KIAA1549L: variants seen among roughly 807,000 people sequenced by gnomAD.
KIAA1549L encodes KIAA1549 like.
KIAA1549L carries 88 observed loss-of-function variants against 160.7 expected under a neutral mutation model. The ratio of observed to expected loss-of-function variants is 0.55; its 90% confidence interval spans 0.46 to 0.65. The LOEUF (loss-of-function observed/expected upper bound fraction) is 0.65, where lower values mean the gene tolerates loss of function less well. Among genes scored for constraint, KIAA1549L ranks in the 30% least tolerant of loss-of-function variants. The pLI is 0.00. For synonymous variants in KIAA1549L, 950 were observed against 976.7 expected, an observed-to-expected ratio of 0.97 and a Z score of 0.51; for missense variants, 2,258 against 2,437.5, an observed-to-expected ratio of 0.93 and a Z score of 1.55.
At chr11:33,417,105 A>T (rs976138534) in intron 1 of KIAA1549L, among the ~76,000 whole-genome samples, 1 of 152,234 alleles carries the variant, frequency 6.6e-6, no homozygotes, top group Non-Finnish European at 1.5e-5. Flanking sequence ...AATGTGGTTA[A>T]TGCAACTGAG....
chr11:33,463,182 C>T (rs1051448158), intron 1 of KIAA1549L, among the ~76,000 whole-genome samples: 1 of 152,020 alleles, frequency 6.6e-6, no homozygotes, highest in Admixed American at 6.6e-5. Flanking sequence ...ATATTTGCCT[C>T]GTTTGGGTTA....
At chr11:33,550,523 C>A (rs1854423512) in intron 4 of KIAA1549L, among the ~76,000 whole-genome samples, 1 of 152,150 alleles carries the variant, frequency 6.6e-6, no homozygotes, top group Admixed American at 6.6e-5. Context: ...TGGTCTTGAA[C>A]CAATTTACAA....
At chr11:33,612,850 T>A (rs559888252) in intron 15 of KIAA1549L, among the ~76,000 whole-genome samples, 1 of 152,216 alleles carries the variant, frequency 6.6e-6, no homozygotes, top group Non-Finnish European at 1.5e-5. Flanking sequence ...TGAGAACATA[T>A]GGTATTTGGT....
At chr11:33,614,481 C>A (rs1305061377) in intron 15 of KIAA1549L, among the ~76,000 whole-genome samples, 2 of 129,334 alleles carry the variant, frequency 1.5e-5, no homozygotes, top group African/African-American at 5.5e-5. Context: ...TAGTCACACT[C>A]CCCTGTGGTA....
chr11:33,662,643 G>A (rs1408372567), intron 20 of KIAA1549L, among the ~76,000 whole-genome samples: 1 of 152,204 alleles, frequency 6.6e-6, no homozygotes, highest in Non-Finnish European at 1.5e-5. Context: ...TACTTAGGCA[G>A]TAATTCCCTT....
Position 33,546,720 on chromosome 11 carries a change from TC to T in KIAA1549L, c.3386-1040del, listed in dbSNP as rs574054228. ...AAGCTTAAACTTGTATATACAGTAG[TC>T]CCCTCTTATCTGCAGGGGATCTATT... is the stretch of plus-strand genomic sequence containing the variant. On this transcript the variant is annotated intron_variant, in intron 3 of 20. Transcript: ENST00000658780. Among the ~76,000 whole-genome samples the T allele has an allele frequency of 2.0e-4, 30 of 152,226 alleles. No homozygotes were observed. In the East Asian group the frequency reaches 5.8e-3, roughly 29 times the overall value.
rs1174359038 is a variant in KIAA1549L, at chr11:33,561,210, G to T, written c.4019-466G>T. On this transcript the variant is annotated intron_variant, in intron 7 of 20. Transcript: ENST00000658780. ...GTGATGGTCAGATGATTTTTAAAGA[G>T]AAAGCTACAGCAAAGACAGGTTCCT... is the stretch of plus-strand genomic sequence containing the variant. Among the ~76,000 whole-genome samples, 3 of 152,178 alleles carry T rather than the reference G, an allele frequency of 2.0e-5. No individual in the cohort carries two copies. The South Asian group carries it at 6.2e-4, about 31-fold the overall frequency.
At chr11:33,645,583 A>T in intron 16 of KIAA1549L, 103 bp from the exon 17 acceptor site, 1 of 826,466 alleles carries the variant, frequency 1.2e-6, no homozygotes, top group South Asian at 1.6e-5. Flanking sequence ...ATTAGCACAG[A>T]TGCATCCTAG....
chr11:33,553,600 T>C (rs1371712906), intron 6 of KIAA1549L, among the ~76,000 whole-genome samples: 1 of 152,232 alleles, frequency 6.6e-6, no homozygotes, highest in East Asian at 1.9e-4. Context: ...ATTTGGTTCA[T>C]GTTAGACGAA....
In KIAA1549L at chr11:33,628,440, C is replaced by A. The variant is rs1193556656; in HGVS notation, c.5409+9778C>A. ...AGTCTAAGTCTCTTTGTAGGTCACT[C>A]AGGACTTGCTTTATGAATCTGGGTG... On this transcript the variant is annotated intron_variant, in intron 16 of 20. Transcript: ENST00000658780. 1.7e-3 allele frequency among the ~76,000 whole-genome samples: 256 copies of A among 151,024 alleles called. 2 individuals carry two copies. The highest frequency in any genetic ancestry group is 5.7e-3 in the African/African-American group (231 of 40,594).
intron 20 of KIAA1549L, among the ~76,000 whole-genome samples, chr11:33,664,388 T>C (rs1357619224): frequency 6.6e-6 from 1 of 152,180 alleles, no homozygotes; most frequent in Non-Finnish European, 1.5e-5. Context: ...GAACCTGCCT[T>C]CTCAGGAGGG....
intron 1 of KIAA1549L, among the ~76,000 whole-genome samples, chr11:33,430,463 C>A (rs1182937781): frequency 6.6e-6 from 1 of 152,164 alleles, no homozygotes; most frequent in Non-Finnish European, 1.5e-5. Context: ...TGAACTTGCC[C>A]TGAGGCTATC....
chr11:33,517,743 T>C (rs1301920681), intron 1 of KIAA1549L, among the ~76,000 whole-genome samples: 1 of 152,172 alleles, frequency 6.6e-6, no homozygotes, highest in Non-Finnish European at 1.5e-5. Context: ...CATGAATGTG[T>C]ATCACCACAG....
intron 13 of KIAA1549L, among the ~76,000 whole-genome samples, chr11:33,605,078 G>A (rs537290693): frequency 3.5e-4 from 54 of 152,318 alleles, no homozygotes; most frequent in Admixed American, 3.3e-3. Flanking sequence ...ACTGCTTCAA[G>A]GTCCTCAGAA....
At position 33,583,488 on chromosome 11, in the gene KIAA1549L, C is replaced by T. The variant is rs778802245; in HGVS notation, c.4553C>T (p.Pro1518Leu). The change falls in exon 11 of 21, where the codon CCG becomes CTG. Residue 1518 changes from proline (P) to leucine (L), a missense_variant. Transcript: ENST00000658780. ...DFKPDTMINL[P>L]QRAKPVQGFD... ...AAGCCTGACACCATGATAAACCTGC[C>T]GCAGAGAGCAAAGGTATATGGAAGT... 7.6e-6 allele frequency: 12 copies of T among 1,576,196 alleles called. No individual in the cohort carries two copies. Among genetic ancestry groups the T allele is most frequent in the South Asian group, 2.3e-5 (2 of 85,650 alleles).
At chr11:33,608,656 G>A (rs1391629500) in intron 14 of KIAA1549L, among the ~76,000 whole-genome samples, 1 of 152,250 alleles carries the variant, frequency 6.6e-6, no homozygotes, top group African/African-American at 2.4e-5. Flanking sequence ...ATCTGGGATA[G>A]ATTCAATTTA....
At chr11:33,396,503 T>C (rs1850375694) in intron 1 of KIAA1549L, among the ~76,000 whole-genome samples, 5 of 152,052 alleles carry the variant, frequency 3.3e-5, no homozygotes, top group Admixed American at 3.3e-4. Flanking sequence ...TGAATAGAGG[T>C]TGAATGGAGA....
chr11:33,430,716 A>G (rs1851220296), intron 1 of KIAA1549L, among the ~76,000 whole-genome samples: 1 of 152,178 alleles, frequency 6.6e-6, no homozygotes, highest in African/African-American at 2.4e-5. Flanking sequence ...AGCCATGGTC[A>G]TGTTCTAGGA....
intron 6 of KIAA1549L, 44 bp downstream of exon 6, chr11:33,552,285 A>G (rs769726073): frequency 1.3e-6 from 2 of 1,571,870 alleles, no homozygotes; most frequent in South Asian, 2.3e-5. Context: ...ACAGACAACC[A>G]CAATGCAGAG....
Sources: allele counts gnomAD v4.1 joint callset (sites outside exome capture counted in the v4.1 genomes callset), GRCh38; gene constraint gnomAD v4.1.1; transcripts MANE v1.5; gene names NCBI Gene and HGNC (gene_info 2026-07-23, HGNC 2026-07-21).